Variants in FRMD4A observed in about 807,000 individuals in gnomAD.
FRMD4A encodes FERM domain-containing protein 4A.
Under a neutral mutation model 129.1 loss-of-function variants are expected in FRMD4A, and 29 were observed. The observed-to-expected ratio is 0.22, with a 90% CI of 0.17 to 0.31. The LOEUF is 0.31. Ranked by LOEUF, FRMD4A falls within the 10% of genes least tolerant of loss-of-function variation. FRMD4A has a pLI of 1.00. For missense variants in FRMD4A, 1,272 were observed against 1,375.8 expected, an observed-to-expected ratio of 0.92 and a Z score of 1.19; for synonymous variants, 634 against 571.6, an observed-to-expected ratio of 1.11 and a Z score of -1.56.
At position 13,670,495 on chromosome 10, in the gene FRMD4A, G is replaced by T. The variant is rs1405336603; in HGVS notation, c.1285C>A (p.Leu429Met). The T allele has an allele frequency of 1.2e-6, 2 of 1,613,314 alleles. No individual in the cohort carries two copies. Among genetic ancestry groups the T allele is most frequent in the South Asian group, 1.1e-5 (1 of 91,026 alleles). ...ATGGGTGGTTCCTCCCCTGGATCCA[G>T]GGGATATTCTACTGGCAGCTTGCCC... Reference protein sequence around the residue: ...LTGKLPVEYPLDPGEEPPIVR... With the variant: ...LTGKLPVEYPMDPGEEPPIVR... The change falls in exon 17 of 25, where the codon CTG becomes ATG. Residue 429 changes from leucine (L) to methionine (M), a missense_variant. By Grantham distance (15) the Leu-to-Met change is conservative. Around this residue, in one of 2 missense-constraint regions of FRMD4A, gnomAD observed 972 missense variants for 892.3 expected, o/e 1.09. Coordinates refer to ENST00000357447, the MANE Select transcript of FRMD4A (RefSeq NM_018027.5).
chr10:14,003,290 G>T (rs557592697), intron 2 of FRMD4A, among the ~76,000 whole-genome samples: 2 of 152,246 alleles, frequency 1.3e-5, no homozygotes, highest in South Asian at 4.1e-4. Context: ...GCAGGAAGAC[G>T]CCAGGGTCTA....
chr10:14,023,997 C>T (rs553234521), intron 2 of FRMD4A, among the ~76,000 whole-genome samples: 2 of 152,210 alleles, frequency 1.3e-5, no homozygotes, highest in South Asian at 4.1e-4. Context: ...GGGATGGTCA[C>T]TTCATAAACA....
In FRMD4A at chr10:14,286,021, T is replaced by C. The variant is rs190982842; in HGVS notation, c.45+44037A>G. On this transcript the variant is annotated intron_variant, in intron 2 of 24. Transcript: ENST00000357447. Reference sequence around the variant, plus strand: ...AAAGAACTTCTGAGTTCCCAAGATATCACAGCAGTGCAACATGTGGATCAT... The same window carrying C: ...AAAGAACTTCTGAGTTCCCAAGATACCACAGCAGTGCAACATGTGGATCAT... Among the ~76,000 whole-genome samples, 34 of 152,320 alleles carry C rather than the reference T, an allele frequency of 2.2e-4. No individual in the cohort carries two copies. In the East Asian group the frequency reaches 3.5e-3, roughly 16 times the overall value.
chr10:13,793,451 C>T (rs2093047777), intron 5 of FRMD4A, among the ~76,000 whole-genome samples: 1 of 152,202 alleles, frequency 6.6e-6, no homozygotes, highest in African/African-American at 2.4e-5. Flanking sequence ...GCATGAACCA[C>T]CATGCCCAGC....
intron 2 of FRMD4A, among the ~76,000 whole-genome samples, chr10:14,096,524 T>C (rs191469240): frequency 6.6e-6 from 1 of 152,318 alleles, no homozygotes; most frequent in East Asian, 1.9e-4. Flanking sequence ...CTAGGCAACT[T>C]TGGGGCAAAT....
At chr10:14,304,785 A>T (rs1275767689) in intron 2 of FRMD4A, among the ~76,000 whole-genome samples, 1 of 152,182 alleles carries the variant, frequency 6.6e-6, no homozygotes, top group Non-Finnish European at 1.5e-5. Flanking sequence ...GCCAAATCAG[A>T]AGTGCTGGAG....
chr10:13,831,972 G>A (rs996118509), intron 3 of FRMD4A, among the ~76,000 whole-genome samples: 1 of 152,078 alleles, frequency 6.6e-6, no homozygotes, highest in Non-Finnish European at 1.5e-5. Flanking sequence ...CTGCTGGCAC[G>A]TAATCTTCAA....
At chr10:14,156,402 C>T (rs533643313) in intron 2 of FRMD4A, among the ~76,000 whole-genome samples, 104 of 152,270 alleles carry the variant, frequency 6.8e-4, no homozygotes, top group South Asian at 5.4e-3. Flanking sequence ...ATAAACAAAT[C>T]GCAGATGATT....
chr10:14,152,937 C>T (rs1162064582), intron 2 of FRMD4A, among the ~76,000 whole-genome samples: 1 of 152,162 alleles, frequency 6.6e-6, no homozygotes, highest in Non-Finnish European at 1.5e-5. Context: ...ACCTTAGTCT[C>T]TGGCAGAGCC....
At chr10:14,269,837 A>G (rs11258988) in intron 2 of FRMD4A, among the ~76,000 whole-genome samples, 13,970 of 152,262 alleles carry the variant, frequency 0.092, 816 homozygotes, top group Middle Eastern at 0.14. Flanking sequence ...ATTATTCTCA[A>G]TGCTTCAGCA....
At chr10:13,895,825 A>G (rs900508129) in intron 2 of FRMD4A, among the ~76,000 whole-genome samples, 3 of 152,214 alleles carry the variant, frequency 2.0e-5, no homozygotes, top group Admixed American at 6.5e-5. Context: ...TTTACAAGAA[A>G]AAAACAAACA....
chr10:14,281,428 G>A lies in FRMD4A; in HGVS notation c.45+48630C>T, dbSNP rs530670389. Among the ~76,000 whole-genome samples, 72 of 152,356 alleles carry A rather than the reference G, an allele frequency of 4.7e-4. 1 individual carries two copies. Among genetic ancestry groups the A allele is most frequent in the African/African-American group, 1.4e-3 (58 of 41,578 alleles). ...TTTATGCCGCAAGGCAAGGATCAAG[G>A]CCTTGGAAGAAACCAACCCTGCTGA... On this transcript the variant is annotated intron_variant, in intron 2 of 24. Transcript: ENST00000357447.
chr10:14,179,966 G>A (rs1294268814), intron 2 of FRMD4A, among the ~76,000 whole-genome samples: 3 of 152,288 alleles, frequency 2.0e-5, no homozygotes, highest in Non-Finnish European at 2.9e-5. Flanking sequence ...TCCAGGAGGC[G>A]GAGGTTGCGG....
chr10:14,090,637 C>T (rs1836607529), intron 2 of FRMD4A, among the ~76,000 whole-genome samples: 1 of 152,092 alleles, frequency 6.6e-6, no homozygotes, highest in African/African-American at 2.4e-5. Flanking sequence ...ACGTTGGAAC[C>T]ATACAGCAAT....
chr10:14,162,269 C>T (rs1467938683), intron 2 of FRMD4A, among the ~76,000 whole-genome samples: 1 of 152,184 alleles, frequency 6.6e-6, no homozygotes, highest in East Asian at 1.9e-4. Context: ...TCATTGGCCC[C>T]ACCCAAGAAG....
chr10:13,913,665 T>G (rs28649073), intron 2 of FRMD4A, among the ~76,000 whole-genome samples: 2 of 152,068 alleles, frequency 1.3e-5, no homozygotes, highest in Non-Finnish European at 2.9e-5. Context: ...AGGACCTCAG[T>G]AGATGGGGTA....
chr10:13,927,534 C>A (rs1441576543), intron 2 of FRMD4A, among the ~76,000 whole-genome samples: 1 of 152,168 alleles, frequency 6.6e-6, no homozygotes, highest in Non-Finnish European at 1.5e-5. Flanking sequence ...TGCCTTTTCT[C>A]AGGGTACAAG....
chr10:14,239,089 G>T (rs1333103115), intron 2 of FRMD4A, among the ~76,000 whole-genome samples: 2 of 152,186 alleles, frequency 1.3e-5, no homozygotes, highest in Non-Finnish European at 2.9e-5. Flanking sequence ...CCCTGAAGCT[G>T]CTGTCATTTT....
chr10:14,086,613 AT>A (rs1033351235), intron 2 of FRMD4A, among the ~76,000 whole-genome samples: 5 of 152,140 alleles, frequency 3.3e-5, no homozygotes, highest in Non-Finnish European at 7.4e-5. Flanking sequence ...CTATATTGCC[AT>A]TTTTACTGCC....
Sources: allele counts gnomAD v4.1 joint callset (sites outside exome capture counted in the v4.1 genomes callset), GRCh38; gene constraint gnomAD v4.1.1; regional missense constraint gnomAD v4.1.1; transcripts MANE v1.5; gene names NCBI Gene and HGNC (gene_info 2026-07-23, HGNC 2026-07-21).